The following CLSTN1 variants were observed in gnomAD, a reference collection of about 807,000 sequenced individuals.
The protein encoded by CLSTN1 is calsyntenin 1, also known as calsyntenin-1.
CLSTN1 carries 28 observed loss-of-function variants against 108.3 expected under a neutral mutation model. The observed-to-expected ratio is 0.26, with a 90% CI of 0.19 to 0.35. The LOEUF is 0.35. Ranked by LOEUF, CLSTN1 falls within the 10% of genes least tolerant of loss-of-function variation. The pLI, the probability that CLSTN1 is intolerant of heterozygous loss-of-function variation, is 1.00. For missense variants in CLSTN1, 1,157 were observed against 1,302.6 expected (o/e 0.89, Z 1.72); for synonymous variants, 524 against 534.9 (o/e 0.98, Z 0.28).
intron 1 of CLSTN1, among the ~76,000 whole-genome samples, chr1:9,810,911 T>C (rs1206347699): frequency 1.3e-5 from 2 of 152,234 alleles, no homozygotes; most frequent in Non-Finnish European, 2.9e-5. Flanking sequence ...TCAATTCTCT[T>C]GCTCCTGGGA....
rs937876766 is a variant in CLSTN1 at position 9,731,250 on chromosome 1, C to A, written c.2704G>T (p.Asp902Tyr). The A allele has an allele frequency of 1.2e-6, 2 of 1,614,232 alleles. No individual in the cohort carries two copies. The highest frequency in any genetic ancestry group is 1.7e-6 in the Non-Finnish European group (2 of 1,180,046). Residue 902 changes from aspartate to tyrosine, a missense_variant, in exon 18 of 19, where the codon GAC (aspartate) becomes TAC (tyrosine). By Grantham distance (160) the Asp-to-Tyr change is radical. Coordinates refer to ENST00000377298, the MANE Select transcript of CLSTN1 (RefSeq NM_001009566.3). ...DQDTGKENEM[D>Y]WDDSALTITV... The stretch of plus-strand genomic sequence containing the variant: ...ATGGTCAGGGCAGAGTCGTCCCAGT[C>A]CATCTCGTTCTCCTTCCCGGTGTCC...
Position 9,797,585 on chromosome 1 carries a change from G to A in CLSTN1, c.92-24191C>T, listed in dbSNP as rs1654066740. On this transcript the variant is annotated intron_variant, in intron 1 of 18. Transcript: ENST00000377298. ...GAGCCCAGGAGTTGGAGGTTGCAGT[G>A]AGCTATGATTATGCTACTGCACCCC... 2.0e-5 allele frequency among the ~76,000 whole-genome samples: 3 copies of A among 152,144 alleles called. No individual in the cohort carries two copies. In the South Asian group the frequency reaches 6.2e-4, roughly 31 times the overall value.
chr1:9,795,932 G>A (rs1317173286), intron 1 of CLSTN1, among the ~76,000 whole-genome samples: 1 of 144,044 alleles, frequency 6.9e-6, no homozygotes, highest in African/African-American at 2.5e-5. Context: ...TCCAGCGTGA[G>A]CAACAGAACA....
intron 1 of CLSTN1, among the ~76,000 whole-genome samples, chr1:9,804,972 CT>C (rs964219834): frequency 2.0e-4 from 31 of 151,790 alleles, no homozygotes; most frequent in African/African-American, 7.5e-4. Flanking sequence ...AAATACAAAA[CT>C]TAGCTGGGCG....
intron 11 of CLSTN1, 85 bp from the exon 12 acceptor site, chr1:9,736,127 T>A: frequency 1.9e-6 from 3 of 1,546,008 alleles, no homozygotes; most frequent in Non-Finnish European, 2.7e-6. Context: ...GTGTTACCGG[T>A]GCTGGCAGCT....
Position 9,751,498 on chromosome 1 carries a change from G to C in CLSTN1, c.624C>G (p.Asp208Glu), listed in dbSNP as rs140241620. ...QICSYEIITP[D>E]VPFTVDKDGY... ...CATCTTTGTCAACAGTAAAGGGCAC[G>C]TCTGGAGTGATGATTTCGTAGCTGC... is the stretch of plus-strand genomic sequence containing the variant. The change falls in exon 5 of 19, where the codon GAC becomes GAG. Residue 208 changes from aspartate (D) to glutamate (E), a missense_variant. Asp to Glu is a conservative substitution (Grantham distance 45). Transcript: ENST00000377298. The C allele has an allele frequency of 8.1e-6, 13 of 1,614,138 alleles. No homozygotes were observed. The highest frequency in any genetic ancestry group is 1.1e-5 in the Non-Finnish European group (13 of 1,180,028).
intron 1 of CLSTN1, among the ~76,000 whole-genome samples, chr1:9,788,409 A>G (rs1317643862): frequency 6.6e-6 from 1 of 151,070 alleles, no homozygotes; most frequent in African/African-American, 2.4e-5. Context: ...CATCTCTACT[A>G]AAAATACAAA....
chr1:9,812,469 T>C (rs1017359510), intron 1 of CLSTN1, among the ~76,000 whole-genome samples: 7 of 152,176 alleles, frequency 4.6e-5, no homozygotes, highest in African/African-American at 7.2e-5. Context: ...ATTAATACTC[T>C]GTCATCTAGT....
At chr1:9,787,594 G>T (rs184082782) in intron 1 of CLSTN1, among the ~76,000 whole-genome samples, 1 of 150,776 alleles carries the variant, frequency 6.6e-6, no homozygotes, top group Non-Finnish European at 1.5e-5. Flanking sequence ...TAGAGAGACG[G>T]GGTTTCACCA....
At chr1:9,737,059 C>T (rs1216821890) in intron 11 of CLSTN1, among the ~76,000 whole-genome samples, 2 of 151,650 alleles carry the variant, frequency 1.3e-5, no homozygotes, top group East Asian at 1.9e-4. Context: ...GACAACAGAG[C>T]GGGACTCCAT....
At chr1:9,800,338 A>G (rs1451192317) in intron 1 of CLSTN1, among the ~76,000 whole-genome samples, 2 of 152,014 alleles carry the variant, frequency 1.3e-5, no homozygotes, top group Non-Finnish European at 2.9e-5. Context: ...TAGCCAGGCT[A>G]ACTATGAAAA....
chr1:9,800,691 C>T (rs1239320304), intron 1 of CLSTN1, among the ~76,000 whole-genome samples: 3 of 148,758 alleles, frequency 2.0e-5, no homozygotes, highest in East Asian at 4.0e-4. Flanking sequence ...GATCGTGCCA[C>T]TGCACTCCAG....
At chr1:9,818,316 GTTTT>G (rs539231199) in intron 1 of CLSTN1, among the ~76,000 whole-genome samples, 1 of 149,772 alleles carries the variant, frequency 6.7e-6, no homozygotes, top group South Asian at 2.1e-4. Flanking sequence ...GGCCGTTTGG[GTTTT>G]TTTTTGTTTT....
intron 1 of CLSTN1, among the ~76,000 whole-genome samples, chr1:9,813,826 G>A (rs917068613): frequency 1.3e-5 from 2 of 152,090 alleles, no homozygotes; most frequent in Non-Finnish European, 2.9e-5. Context: ...TTGGCTGGGC[G>A]CGGTGGCTCG....
rs867224104 is a variant in CLSTN1 at position 9,823,866 on chromosome 1, G to A, written c.-133C>T. On this transcript the variant is annotated 5_prime_UTR_variant, in exon 1 of 19. Transcript: ENST00000377298. The surrounding 1 kb of genome is among the most constrained non-coding windows in gnomAD (Gnocchi z 6.3). ...AGCTCCGGGGGTCCAAGGAGGAGCC[G>A]CCGCCGCCGCCGCCGTGACGCTGGG... 30 of 237,814 alleles carry A rather than the reference G, an allele frequency of 1.3e-4. No homozygotes were observed. The East Asian group carries it at 3.3e-3, about 26-fold the overall frequency. The allele number at this position is 237,814 out of a possible 1,614,324, so 14.7% of individuals were successfully genotyped here.
At chr1:9,807,112 C>T (rs559127508) in intron 1 of CLSTN1, among the ~76,000 whole-genome samples, 99 of 152,092 alleles carry the variant, frequency 6.5e-4, no homozygotes, top group African/African-American at 2.3e-3. Context: ...TTGGTTTTAC[C>T]CCCGGCTCAG....
intron 2 of CLSTN1, among the ~76,000 whole-genome samples, chr1:9,760,467 C>A (rs976496984): frequency 6.6e-6 from 1 of 152,120 alleles, no homozygotes; most frequent in Non-Finnish European, 1.5e-5. Context: ...TAAAACTCTA[C>A]TTTTAATAAG....
intron 10 of CLSTN1, among the ~76,000 whole-genome samples, chr1:9,739,484 A>G (rs140839290): frequency 6.6e-6 from 1 of 152,204 alleles, no homozygotes; most frequent in Non-Finnish European, 1.5e-5. Flanking sequence ...TTGTAGATTA[A>G]TAAGAAGGGA....
Position 9,733,299 on chromosome 1 carries a change from C to T in CLSTN1, c.2427+102G>A. On this transcript the variant is annotated intron_variant, in intron 16 of 18. Transcript: ENST00000377298. ...TAGAATGAGCCTGTATAGCTGCCAT[C>T]ATGAATGCTCTGAGGTTGGCGTTTG... 2.1e-6 allele frequency: 3 copies of T among 1,434,560 alleles called. No individual in the cohort carries two copies. The South Asian group carries it at 3.6e-5, about 17-fold the overall frequency. The allele number at this position is 1,434,560 out of a possible 1,614,324, so 88.9% of individuals were successfully genotyped here. A position where few individuals can be genotyped will look rare whatever the true frequency, so the allele number is the denominator to read the frequency against.
Sources: gnomAD v4.1 joint callset for allele counts (sites outside exome capture counted in the v4.1 genomes callset) on GRCh38, gnomAD v4.1.1 for gene constraint, Gnocchi (gnomAD v3.1) non-coding constraint, MANE v1.5 for transcripts, NCBI Gene and HGNC (gene_info 2026-07-23, HGNC 2026-07-21) for gene names.